PCDHGA8: variants seen among roughly 807,000 people sequenced by gnomAD.
PCDHGA8 encodes protocadherin gamma-A8.
PCDHGA8 carries 45 observed loss-of-function variants against 59.2 expected under a neutral mutation model. The ratio of observed to expected loss-of-function variants is 0.76; its 90% confidence interval spans 0.60 to 0.98. The LOEUF is 0.98. Ranked by LOEUF, PCDHGA8 falls within the 50% of genes least tolerant of loss-of-function variation. The pLI is 0.00. For synonymous variants in PCDHGA8, 531 were observed against 519.0 expected (o/e 1.02, Z -0.32); for missense variants, 1,257 against 1,196.2 (o/e 1.05, Z -0.75).
At chr5:141,433,383 CT>C (rs2097595660) in intron 1 of PCDHGA8, among the ~76,000 whole-genome samples, 1 of 151,456 alleles carries the variant, frequency 6.6e-6, no homozygotes, top group Non-Finnish European at 1.5e-5. Context: ...ATCTATCTAT[CT>C]ATCTATCTAT....
chr5:141,392,881 T>C lies in PCDHGA8; in HGVS notation c.68T>C (p.Leu23Pro). The change falls in exon 1 of 4, where the codon CTG becomes CCG. Residue 23 changes from leucine to proline, a missense_variant. Coordinates refer to ENST00000398604, the MANE Select transcript of PCDHGA8 (RefSeq NM_032088.2). The part of the protein sequence containing the change: ...LILLCALLGT[L>P]WEIGRGQIRY... Reference sequence around the variant, plus strand: ...CTGCTGTGCGCGCTGCTGGGAACGCTGTGGGAAATCGGGAGGGGACAGATT... The same window carrying C: ...CTGCTGTGCGCGCTGCTGGGAACGCCGTGGGAAATCGGGAGGGGACAGATT... The C allele has an allele frequency of 3.7e-6, 6 of 1,613,564 alleles. No individual in the cohort carries two copies. The highest frequency in any genetic ancestry group is 5.1e-6 in the Non-Finnish European group (6 of 1,179,842).
In PCDHGA8 at chr5:141,415,213, G is replaced by A. The variant is rs750613524; in HGVS notation, c.2424+19976G>A. On this transcript the variant is annotated intron_variant, in intron 1 of 3. Coordinates refer to ENST00000398604, the MANE Select transcript of PCDHGA8 (RefSeq NM_032088.2). ...CATCCCCCAAGTCCTGGCGGACCTC[G>A]GCAGCTTCGAGTCTCCAGCTAACTC... 1.9e-6 allele frequency: 3 copies of A among 1,614,074 alleles called. No individual in the cohort carries two copies. In the East Asian group the frequency reaches 6.7e-5, roughly 36 times the overall value.
chr5:141,482,767 A>AGCTAGTACTATAATTATTTTTATTAGTTC (rs1370824281), intron 1 of PCDHGA8, among the ~76,000 whole-genome samples: 2 of 150,588 alleles, frequency 1.3e-5, no homozygotes, highest in African/African-American at 2.5e-5. Context: ...TTTCATTATC[A>AGCTAGTACTATAATTATTTTTATTAGTTC]CTGAACCTTA....
chr5:141,419,617 C>T (rs780077182), intron 1 of PCDHGA8: 2 of 1,612,280 alleles, frequency 1.2e-6, no homozygotes, highest in South Asian at 2.2e-5. Flanking sequence ...AGCCAGGCTA[C>T]CTGGTGACCA....
At chr5:141,443,055 C>G (rs994152277) in intron 1 of PCDHGA8, among the ~76,000 whole-genome samples, 1 of 152,208 alleles carries the variant, frequency 6.6e-6, no homozygotes, top group Non-Finnish European at 1.5e-5. Flanking sequence ...TATTGTTCCA[C>G]TGAAGAGCGT....
At chr5:141,398,878 C>T in intron 1 of PCDHGA8, 2 of 1,613,968 alleles carry the variant, frequency 1.2e-6, no homozygotes, top group Non-Finnish European at 1.7e-6. Context: ...CAGAGTCAGC[C>T]TTCGGGAAAA....
intron 1 of PCDHGA8, chr5:141,475,949 G>A: frequency 1.3e-6 from 1 of 758,910 alleles, no homozygotes; most frequent in South Asian, 1.9e-5. Flanking sequence ...TCCCCTTTCT[G>A]CGCCCCGGGA....
chr5:141,430,369 A>G (rs564811230), intron 1 of PCDHGA8, among the ~76,000 whole-genome samples: 1 of 151,582 alleles, frequency 6.6e-6, no homozygotes, highest in East Asian at 1.9e-4. Flanking sequence ...ATTGGGGAAA[A>G]AAAAGCTCAT....
intron 1 of PCDHGA8, chr5:141,423,751 G>GGC: frequency 2.9e-6 from 1 of 349,040 alleles, no homozygotes; most frequent in African/African-American, 6.5e-5. Context: ...AAAACTGTTT[G>GGC]GGGGGGGGGT....
rs1562137380 is a variant in PCDHGA8, at chr5:141,490,297, G to T, written c.2425-4510G>T. On this transcript the variant is annotated intron_variant, in intron 1 of 3. Coordinates refer to ENST00000398604, the MANE Select transcript of PCDHGA8 (RefSeq NM_032088.2). This position sits in a 1 kb window ranked among gnomAD's most constrained non-coding sequence, Gnocchi z 5.4. The stretch of plus-strand genomic sequence containing the variant: ...TGACAATGCCCCAGAGGTGCTATTG[G>T]CCTCTTTGGCCAACCCTGTCCTAGA... 2 of 1,614,202 alleles carry T rather than the reference G, an allele frequency of 1.2e-6. No individual in the cohort carries two copies. Among genetic ancestry groups the T allele is most frequent in the South Asian group, 1.1e-5 (1 of 91,086 alleles).
intron 1 of PCDHGA8, among the ~76,000 whole-genome samples, chr5:141,481,193 A>G (rs749746998): frequency 1.3e-5 from 2 of 152,216 alleles, no homozygotes; most frequent in Admixed American, 6.5e-5. Context: ...GCCAGGCCCA[A>G]TTTTTTTAAA....
At chr5:141,508,896 C>A (rs1171693212) in intron 3 of PCDHGA8, among the ~76,000 whole-genome samples, 1 of 151,862 alleles carries the variant, frequency 6.6e-6, no homozygotes, top group Non-Finnish European at 1.5e-5. Context: ...GGGGAGGGGG[C>A]GGGGCGGTGG....
chr5:141,495,547 C>G (rs2099762038), intron 2 of PCDHGA8, among the ~76,000 whole-genome samples: 1 of 152,228 alleles, frequency 6.6e-6, no homozygotes, highest in South Asian at 2.1e-4. Flanking sequence ...CAGTCTCTAT[C>G]TCGCTTTGCA....
intron 3 of PCDHGA8, 118 bp downstream of exon 3, chr5:141,505,599 G>A (rs936757644): frequency 1.5e-5 from 23 of 1,555,468 alleles, no homozygotes; most frequent in South Asian, 2.4e-5. Flanking sequence ...CAGATCTTTC[G>A]GCAGGTCTGA....
In PCDHGA8 at chr5:141,431,931, C is replaced by T. The variant is rs2097430107; in HGVS notation, c.2424+36694C>T. ...ATCTGTTTCATCCAAGGAAATCTGCCCTTTAAATTAGAAAAATCTTACGGA... is the reference window on the plus strand; with the variant it reads ...ATCTGTTTCATCCAAGGAAATCTGCTCTTTAAATTAGAAAAATCTTACGGA... On this transcript the variant is annotated intron_variant, in intron 1 of 3. Transcript: ENST00000398604. This position sits in a 1 kb window ranked among gnomAD's most constrained non-coding sequence, Gnocchi z 4.8. The T allele has an allele frequency of 6.2e-7, 1 of 1,613,924 alleles. No homozygotes were observed. Among genetic ancestry groups the T allele is most frequent in the Admixed American group, 1.7e-5 (1 of 59,986 alleles).
Position 141,487,845 on chromosome 5 carries a change from A to C in PCDHGA8, c.2425-6962A>C, listed in dbSNP as rs2099667978. ...GGGTCATGCCTATATCTGAGTAAGA[A>C]ATGAAAGTAATTGGTGATCAAGAGC... On this transcript the variant is annotated intron_variant, in intron 1 of 3. Coordinates refer to ENST00000398604, the MANE Select transcript of PCDHGA8 (RefSeq NM_032088.2). The surrounding 1 kb of genome is among the most constrained non-coding windows in gnomAD (Gnocchi z 5.0). 2.9e-6 allele frequency: 3 copies of C among 1,027,382 alleles called. No homozygotes were observed. Among genetic ancestry groups the C allele is most frequent in the Non-Finnish European group, 4.2e-6 (3 of 716,452 alleles). The allele number at this position is 1,027,382 out of a possible 1,614,324, so 63.6% of individuals were successfully genotyped here.
At chr5:141,419,584 C>T in intron 1 of PCDHGA8, 1 of 1,611,798 alleles carries the variant, frequency 6.2e-7, no homozygotes, top group Non-Finnish European at 8.5e-7. Context: ...CCGCGCTCTT[C>T]GACACAGTGC....
At chr5:141,505,552 T>C (rs920594597) in intron 3 of PCDHGA8, 71 bp downstream of exon 3, 8 of 1,608,230 alleles carry the variant, frequency 5.0e-6, no homozygotes, top group Non-Finnish European at 6.8e-6. Context: ...ACAGCCACCA[T>C]GCCCACGGAC....
intron 2 of PCDHGA8, among the ~76,000 whole-genome samples, chr5:141,496,467 TC>T (rs1289225541): frequency 1.3e-5 from 2 of 152,176 alleles, no homozygotes; most frequent in Admixed American, 1.3e-4. Flanking sequence ...GAGTTATCTT[TC>T]CCCCATCCTG....
Sources: gnomAD v4.1 joint callset for allele counts (sites outside exome capture counted in the v4.1 genomes callset) on GRCh38, gnomAD v4.1.1 for gene constraint, Gnocchi (gnomAD v3.1) non-coding constraint, MANE v1.5 for transcripts, NCBI Gene and HGNC (gene_info 2026-07-23, HGNC 2026-07-21) for gene names.